Variants in ZMAT4 observed in about 807,000 individuals in gnomAD.
The protein encoded by ZMAT4 is zinc finger matrin-type 4.
A neutral mutation model predicts 28.7 loss-of-function variants in ZMAT4; 17 were observed. The ratio of observed to expected loss-of-function variants is 0.59; its 90% CI spans 0.41 to 0.89. The LOEUF (loss-of-function observed/expected upper bound fraction) is 0.89. Ranked by LOEUF, ZMAT4 falls within the 40% of genes least tolerant of loss-of-function variation. The probability of loss-of-function intolerance (pLI) is 0.00; values close to 1 mark genes in which losing one functional copy is unlikely to be tolerated. For synonymous variants in ZMAT4, 117 were observed against 109.2 expected, an observed-to-expected ratio of 1.07 and a Z score of -0.44; for missense variants, 240 against 283.8, an observed-to-expected ratio of 0.85 and a Z score of 1.11.
chr8:40,689,341 G>C (rs1203218313), intron 4 of ZMAT4, among the ~76,000 whole-genome samples: 1 of 152,334 alleles, frequency 6.6e-6, no homozygotes, highest in African/African-American at 2.4e-5. Context: ...CCAGTGAATG[G>C]CTGGGGCCGG....
intron 6 of ZMAT4, among the ~76,000 whole-genome samples, chr8:40,573,312 A>G (rs1804158808): frequency 6.6e-6 from 1 of 152,182 alleles, no homozygotes; most frequent in Admixed American, 6.5e-5. Flanking sequence ...CAGAAGTGTG[A>G]AATCAAGGTG....
intron 5 of ZMAT4, among the ~76,000 whole-genome samples, chr8:40,629,543 C>A (rs552338591): frequency 6.6e-6 from 1 of 150,758 alleles, no homozygotes; most frequent in Non-Finnish European, 1.5e-5. Flanking sequence ...TCTCCTAATG[C>A]TATCCCTCGC....
intron 5 of ZMAT4, among the ~76,000 whole-genome samples, chr8:40,601,527 G>GAA (rs1805334042): frequency 8.5e-6 from 1 of 117,460 alleles, no homozygotes; most frequent in Non-Finnish European, 1.8e-5. Context: ...GAAAGAAAGA[G>GAA]GGAGAAAGGG....
chr8:40,619,833 G>C lies in ZMAT4; in HGVS notation c.578-38572C>G, dbSNP rs536676441. Among the ~76,000 whole-genome samples, 23 of 152,264 alleles carry C rather than the reference G, an allele frequency of 1.5e-4. No homozygotes were observed. The South Asian group carries it at 4.8e-3, about 32-fold the overall frequency. On this transcript the variant is annotated intron_variant, in intron 5 of 6. Transcript: ENST00000297737. ...GTGACCTGGGAAGAGAGTGTGAAGG[G>C]ACCCGTGCAGACCAGGCCCACCATA...
chr8:40,766,252 C>G (rs927770946), intron 3 of ZMAT4, among the ~76,000 whole-genome samples: 14 of 152,342 alleles, frequency 9.2e-5, no homozygotes, highest in East Asian at 3.9e-4. Flanking sequence ...TATAGCTACT[C>G]TTTATACAAT....
At chr8:40,791,839 C>T (rs532283336) in intron 2 of ZMAT4, among the ~76,000 whole-genome samples, 2 of 152,328 alleles carry the variant, frequency 1.3e-5, no homozygotes, top group East Asian at 3.9e-4. Flanking sequence ...GAGGCCAGCC[C>T]TGTGCCCTGG....
At chr8:40,717,148 T>C (rs572081481) in intron 3 of ZMAT4, among the ~76,000 whole-genome samples, 3 of 152,322 alleles carry the variant, frequency 2.0e-5, no homozygotes, top group African/African-American at 7.2e-5. Context: ...GGTGAAGTCA[T>C]CCTTTTGCTT....
At chr8:40,570,527 C>T (rs1376329440) in intron 6 of ZMAT4, among the ~76,000 whole-genome samples, 4 of 152,004 alleles carry the variant, frequency 2.6e-5, no homozygotes, top group African/African-American at 4.8e-5. Context: ...AGCAAAACCC[C>T]GTCTCTACTA....
At chr8:40,843,389 C>A (rs991013214) in intron 1 of ZMAT4, among the ~76,000 whole-genome samples, 1 of 152,128 alleles carries the variant, frequency 6.6e-6, no homozygotes, top group Admixed American at 6.5e-5. Flanking sequence ...GCTCATGGGG[C>A]CCTGTGTCCA....
chr8:40,663,682 G>C (rs924517076), intron 5 of ZMAT4, among the ~76,000 whole-genome samples: 4 of 152,114 alleles, frequency 2.6e-5, no homozygotes, highest in Non-Finnish European at 5.9e-5. Context: ...ACATAGAACA[G>C]CTGAGGTGTC....
At chr8:40,856,989 A>C (rs1361442047) in intron 1 of ZMAT4, among the ~76,000 whole-genome samples, 1 of 152,162 alleles carries the variant, frequency 6.6e-6, no homozygotes, top group Non-Finnish European at 1.5e-5. Context: ...CTAAAGTCAT[A>C]AATAATTAAA....
chr8:40,621,098 T>C (rs1490414058), intron 5 of ZMAT4, among the ~76,000 whole-genome samples: 1 of 152,176 alleles, frequency 6.6e-6, no homozygotes, highest in Non-Finnish European at 1.5e-5. Flanking sequence ...CAAGAGTGAG[T>C]ACCATGAAGA....
Position 40,767,748 on chromosome 8 carries a change from A to T in ZMAT4, c.103-18T>A, listed in dbSNP as rs762742553. ...TTTCGACTCTGGGAAGGAAAAGCAT[A>T]AGCAGATACTGTAAAAGATAAGCCA... On this transcript the variant is annotated intron_variant, in intron 2 of 6. Coordinates refer to ENST00000297737, the MANE Select transcript of ZMAT4 (RefSeq NM_024645.3). 2 of 1,599,830 alleles carry T rather than the reference A, an allele frequency of 1.3e-6. No homozygotes were observed. The highest frequency in any genetic ancestry group is 1.7e-6 in the Non-Finnish European group (2 of 1,174,210).
chr8:40,657,092 G>A (rs986553797), intron 5 of ZMAT4, among the ~76,000 whole-genome samples: 1 of 152,116 alleles, frequency 6.6e-6, no homozygotes, highest in Admixed American at 6.6e-5. Flanking sequence ...GTGCAATGAT[G>A]CAATCTCGGC....
chr8:40,634,461 T>G (rs1009899130), intron 5 of ZMAT4, among the ~76,000 whole-genome samples: 1 of 152,306 alleles, frequency 6.6e-6, no homozygotes, highest in East Asian at 1.9e-4. Context: ...TAAAAAATCA[T>G]TTTTTACAAC....
intron 2 of ZMAT4, among the ~76,000 whole-genome samples, chr8:40,823,689 A>T (rs1199197073): frequency 1.3e-5 from 2 of 151,982 alleles, no homozygotes; most frequent in African/African-American, 4.8e-5. Context: ...ACACATATAC[A>T]TATACACACA....
At chr8:40,889,214 T>A (rs570664009) in intron 1 of ZMAT4, among the ~76,000 whole-genome samples, 6 of 152,284 alleles carry the variant, frequency 3.9e-5, no homozygotes, top group Non-Finnish European at 8.8e-5. Context: ...ACAAGGATAT[T>A]CCCTGCACAG....
intron 5 of ZMAT4, among the ~76,000 whole-genome samples, chr8:40,671,193 G>T (rs1474044337): frequency 6.6e-6 from 1 of 152,114 alleles, no homozygotes; most frequent in Non-Finnish European, 1.5e-5. Context: ...AGCAGATGTT[G>T]GTGAGGCTAT....
At chr8:40,674,395 C>T (rs1808820082) in intron 5 of ZMAT4, 1 of 297,908 alleles carries the variant, frequency 3.4e-6, no homozygotes, top group Non-Finnish European at 6.3e-6. Context: ...TGCTACTCTA[C>T]AAAAGCATTT....
Sources: allele counts gnomAD v4.1 joint callset (sites outside exome capture counted in the v4.1 genomes callset), GRCh38; gene constraint gnomAD v4.1.1; transcripts MANE v1.5; gene names NCBI Gene and HGNC (gene_info 2026-07-23, HGNC 2026-07-21).